Variants in PATJ observed in about 807,000 individuals in gnomAD.
PATJ encodes the protein PATJ crumbs cell polarity complex component, also known as inaD-like protein.
Under a neutral mutation model 224.9 loss-of-function variants are expected in PATJ, and 190 were observed. The ratio of observed to expected loss-of-function variants is 0.84; its 90% CI spans 0.75 to 0.95. The LOEUF is 0.95. Among genes scored for constraint, PATJ ranks in the 40% least tolerant of loss-of-function variants. The pLI, the probability that PATJ is intolerant of heterozygous loss-of-function variation, is 0.00. For synonymous variants in PATJ, 769 were observed against 820.3 expected (o/e 0.94, Z 1.07); for missense variants, 2,121 against 2,270.3 (o/e 0.93, Z 1.34).
intron 24 of PATJ, 79 bp downstream of exon 24, chr1:61,901,538 CT>C (rs772108751): frequency 3.6e-5 from 38 of 1,059,924 alleles, no homozygotes; most frequent in Non-Finnish European, 4.8e-5. Context: ...GAAGACCTTT[CT>C]TTATGTGTTG....
intron 31 of PATJ, among the ~76,000 whole-genome samples, chr1:62,070,007 A>G (rs772804525): frequency 1.2e-4 from 19 of 152,368 alleles, no homozygotes; most frequent in Non-Finnish European, 2.4e-4. Context: ...AGTTCAAATG[A>G]TAAGGAAGAA....
At chr1:61,836,368 A>T (rs1660176503) in intron 17 of PATJ, among the ~76,000 whole-genome samples, 1 of 152,240 alleles carries the variant, frequency 6.6e-6, no homozygotes, top group Non-Finnish European at 1.5e-5. Context: ...ATTTTCTGCC[A>T]ACAAAGGATT....
At chr1:62,023,344 G>A (rs12076492) in intron 29 of PATJ, among the ~76,000 whole-genome samples, 31,138 of 151,360 alleles carry the variant, frequency 0.21, 3,526 homozygotes, top group East Asian at 0.44. Flanking sequence ...TCTAGTTTTG[G>A]TAAACAGGAA....
chr1:61,823,300 A>G (rs1423527712), intron 15 of PATJ, among the ~76,000 whole-genome samples: 2 of 152,244 alleles, frequency 1.3e-5, no homozygotes, highest in East Asian at 3.8e-4. Flanking sequence ...CTTTATTTAA[A>G]TGAATGACTA....
chr1:61,757,526 C>T (rs892484221), intron 1 of PATJ, among the ~76,000 whole-genome samples: 1 of 152,016 alleles, frequency 6.6e-6, no homozygotes, highest in South Asian at 2.1e-4. Flanking sequence ...GCTGGGACTA[C>T]AGGCGTGCAC....
rs1350148661 is a variant in PATJ at position 61,962,171 on chromosome 1, ATAT to A, written c.3671-27993_3671-27991del. On this transcript the variant is annotated intron_variant, in intron 27 of 43. Coordinates refer to ENST00000642238, the MANE Select transcript of PATJ (RefSeq NM_001350145.3). Reference sequence around the variant, plus strand: ...ATTTTTACTTCCACAGCCTACCATGATATTATCATTATTCATACATGGTTATTC... The same window carrying A: ...ATTTTTACTTCCACAGCCTACCATGATATCATTATTCATACATGGTTATTC... 3.9e-5 allele frequency among the ~76,000 whole-genome samples: 6 copies of A among 152,186 alleles called. No homozygotes were observed. The East Asian group carries it at 1.2e-3, about 29-fold the overall frequency.
intron 17 of PATJ, 123 bp from the exon 18 acceptor site, chr1:61,855,907 C>A (rs1258438324): frequency 1.9e-5 from 13 of 685,448 alleles, no homozygotes; most frequent in Non-Finnish European, 2.6e-5. Flanking sequence ...AAGATTATCA[C>A]CAGAGTGCCA....
At chr1:61,766,020 T>C (rs1459014044) in intron 3 of PATJ, among the ~76,000 whole-genome samples, 17 of 152,214 alleles carry the variant, frequency 1.1e-4, no homozygotes, top group Admixed American at 1.1e-3. Context: ...AAGATGTCAG[T>C]GTACATGCTG....
intron 22 of PATJ, among the ~76,000 whole-genome samples, chr1:61,889,231 A>C (rs1381832344): frequency 6.6e-6 from 1 of 152,188 alleles, no homozygotes; most frequent in Non-Finnish European, 1.5e-5. Flanking sequence ...GTGTGAGTGC[A>C]CCAAGGGTAA....
chr1:61,833,604 A>G, intron 16 of PATJ, 50 bp from the exon 17 acceptor site: 1 of 1,542,372 alleles, frequency 6.5e-7, no homozygotes, highest in South Asian at 1.3e-5. Flanking sequence ...CATTCTTTTC[A>G]GAATTGAAAG....
At chr1:62,112,339 C>G (rs1663931355) in intron 34 of PATJ, among the ~76,000 whole-genome samples, 1 of 152,056 alleles carries the variant, frequency 6.6e-6, no homozygotes, top group Non-Finnish European at 1.5e-5. Context: ...AACCCCGTCT[C>G]TACTAAAAAT....
At chr1:62,004,971 C>T (rs1326779932) in intron 28 of PATJ, among the ~76,000 whole-genome samples, 1 of 152,144 alleles carries the variant, frequency 6.6e-6, no homozygotes, top group Non-Finnish European at 1.5e-5. Flanking sequence ...TATGACAATG[C>T]ATCTACATCT....
rs1196923395 is a variant in PATJ at position 62,114,034 on chromosome 1, A to C, written c.4462-19A>C. Reference sequence around the variant, plus strand: ...ACCTCTGCCATCAGCAGCCCAGCTCAGGATGCCCATTGTTCCAGGTTAATG... The same window carrying C: ...ACCTCTGCCATCAGCAGCCCAGCTCCGGATGCCCATTGTTCCAGGTTAATG... On this transcript the variant is annotated intron_variant, in intron 34 of 43. Coordinates refer to ENST00000642238, the MANE Select transcript of PATJ (RefSeq NM_001350145.3). 6.2e-7 allele frequency: 1 copy of C among 1,611,936 alleles called. No homozygotes were observed. Among genetic ancestry groups the C allele is most frequent in the East Asian group, 2.2e-5 (1 of 44,862 alleles).
rs769861485 is a variant in PATJ, at chr1:61,787,909, C to G, written c.1005C>G (p.Thr335=). ...ARDPAGDISV[T]PPAPAALPVA... ...ATCCAGCTGGTGACATTTCAGTCAC[C>G]CCCCCTGCCCCTGCAGCCTTACCTG... The change falls in exon 8 of 44, where the codon ACC becomes ACG. Residue 335 remains threonine (T), a synonymous_variant. Transcript: ENST00000642238. 1.2e-6 allele frequency: 2 copies of G among 1,613,880 alleles called. No individual in the cohort carries two copies. Among genetic ancestry groups the G allele is most frequent in the South Asian group, 2.2e-5 (2 of 91,062 alleles).
intron 33 of PATJ, among the ~76,000 whole-genome samples, chr1:62,102,859 CAAAAAAAAAAAAA>C (rs1162014751): frequency 6.4e-4 from 30 of 47,008 alleles, no homozygotes; most frequent in South Asian, 4.5e-3. Context: ...TACCCTGTCT[CAAAAAAAAAAAAA>C]AAAAAAAAAA....
At chr1:62,110,392 A>G (rs1663652891) in intron 34 of PATJ, among the ~76,000 whole-genome samples, 1 of 152,172 alleles carries the variant, frequency 6.6e-6, no homozygotes, top group African/African-American at 2.4e-5. Flanking sequence ...GAGACCATGA[A>G]ACAGCGTAAC....
rs376817109 is a variant in PATJ at position 61,927,837 on chromosome 1, C to T, written c.3670+8C>T. 25 of 1,579,534 alleles carry T rather than the reference C, an allele frequency of 1.6e-5. No individual in the cohort carries two copies. The highest frequency in any genetic ancestry group is 2.2e-5 in the Non-Finnish European group (25 of 1,151,026). ...AAGATGCCTTTACCGACCGTGAGTG[C>T]CTTTTCACTATTTAGGGTAGATGCA... On this transcript the variant is annotated splice_region_variant and intron_variant, in intron 27 of 43. Coordinates refer to ENST00000642238, the MANE Select transcript of PATJ (RefSeq NM_001350145.3).
chr1:62,134,627 G>A (rs1049072285), intron 41 of PATJ, among the ~76,000 whole-genome samples: 2 of 152,086 alleles, frequency 1.3e-5, no homozygotes, highest in South Asian at 2.1e-4. Context: ...TTACTGGTGT[G>A]AGCCACCACG....
intron 41 of PATJ, among the ~76,000 whole-genome samples, chr1:62,144,775 A>ATATATATATATAT (rs1218856613): frequency 2.6e-4 from 24 of 90,848 alleles, no homozygotes; most frequent in African/African-American, 7.0e-4. Context: ...GCAAAAAAAA[A>ATATATATATATAT]AAATATATAT....
Sources: gnomAD v4.1 joint callset for allele counts (sites outside exome capture counted in the v4.1 genomes callset) on GRCh38, gnomAD v4.1.1 for gene constraint, MANE v1.5 for transcripts, NCBI Gene and HGNC (gene_info 2026-07-23, HGNC 2026-07-21) for gene names.